STARD9: variants seen among roughly 807,000 people sequenced by gnomAD.
STARD9 encodes the protein StAR related lipid transfer domain containing 9.
STARD9 carries 346 observed loss-of-function variants against 399.8 expected under a neutral mutation model. That is an observed-to-expected ratio of 0.87 (90% confidence interval 0.79 to 0.95). STARD9 has a LOEUF of 0.95. STARD9 is among the 40% of genes least tolerant of loss of function. The pLI, the probability that STARD9 is intolerant of heterozygous loss-of-function variation, is 0.00. For missense variants in STARD9, 5,832 were observed against 5,667.5 expected, an observed-to-expected ratio of 1.03 and a Z score of -0.93; for synonymous variants, 2,203 against 2,143.5, an observed-to-expected ratio of 1.03 and a Z score of -0.77.
intron 9 of STARD9, among the ~76,000 whole-genome samples, chr15:42,656,505 G>A (rs774352411): frequency 1.3e-5 from 2 of 151,998 alleles, no homozygotes; most frequent in Non-Finnish European, 2.9e-5. Context: ...AAAAGAAGTC[G>A]TTATATGAAA....
intron 26 of STARD9, among the ~76,000 whole-genome samples, chr15:42,699,679 C>T (rs2060924344): frequency 6.6e-6 from 1 of 151,800 alleles, no homozygotes; most frequent in Non-Finnish European, 1.5e-5. Flanking sequence ...AGACGTGAGC[C>T]ACCGTGCCTG....
rs998975256 is a variant in STARD9 at position 42,689,138 on chromosome 15, T to G, written c.7560T>G (p.Gly2520=). 6.5e-6 allele frequency: 10 copies of G among 1,537,134 alleles called. No homozygotes were observed. Among genetic ancestry groups the G allele is most frequent in the African/African-American group, 1.4e-5 (1 of 73,042 alleles). ...CTGAGGACGTCGGACTGACCAGCGG[T>G]GTTTCCTTAGCACCTGTTTCCCTGC... The part of the protein sequence containing the change: ...KETEDVGLTS[G]VSLAPVSLPR... The change falls in exon 23 of 33, where the codon GGT becomes GGG. Residue 2520 remains glycine, a synonymous_variant. Coordinates refer to ENST00000290607, the MANE Select transcript of STARD9 (RefSeq NM_020759.3).
intron 3 of STARD9, among the ~76,000 whole-genome samples, chr15:42,589,790 A>G (rs1201933903): frequency 1.3e-5 from 2 of 150,374 alleles, no homozygotes; most frequent in Non-Finnish European, 3.0e-5. Flanking sequence ...TATTTTTAGT[A>G]GAGACGGGGT....
At position 42,585,787 on chromosome 15, in the gene STARD9, A is replaced by G. The variant is rs147747132; in HGVS notation, c.234+150A>G. On this transcript the variant is annotated intron_variant, in intron 3 of 32. Transcript: ENST00000290607. The stretch of plus-strand genomic sequence containing the variant: ...ATTGGTACTTTAAGAAAACTTTGAA[A>G]TAACTAACAGATTTTCAAAAAGAAG... 3.8e-5 allele frequency: 18 copies of G among 474,908 alleles called. No homozygotes were observed. In the East Asian group the frequency reaches 5.1e-4, roughly 14 times the overall value. The allele number at this position is 474,908 out of a possible 1,614,324, so 29.4% of individuals were successfully genotyped here. A position where few individuals can be genotyped will look rare whatever the true frequency, so the allele number is the denominator to read the frequency against.
intron 26 of STARD9, among the ~76,000 whole-genome samples, chr15:42,699,380 C>CTT (rs1223754820): frequency 4.4e-5 from 6 of 137,490 alleles, no homozygotes; most frequent in African/African-American, 1.9e-4. Flanking sequence ...ATGAGATCAA[C>CTT]TTTTTTCTTT....
At chr15:42,696,644 A>G (rs1336086283) in intron 26 of STARD9, among the ~76,000 whole-genome samples, 1 of 152,216 alleles carries the variant, frequency 6.6e-6, no homozygotes, top group Non-Finnish European at 1.5e-5. Flanking sequence ...GACCTCCTAG[A>G]TGACCACGGC....
chr15:42,601,341 G>A (rs890996132), intron 3 of STARD9, among the ~76,000 whole-genome samples: 17 of 151,972 alleles, frequency 1.1e-4, no homozygotes, highest in Admixed American at 9.8e-4. Context: ...CGACAAAACC[G>A]CCATCGTCAT....
At position 42,689,842 on chromosome 15, in the gene STARD9, T is replaced by C. The variant is rs2060648397; in HGVS notation, c.8264T>C (p.Val2755Ala). Residue 2755 changes from valine (V) to alanine (A), a missense_variant, in exon 23 of 33, where the codon GTG (valine) becomes GCG (alanine). By Grantham distance (64) the Val-to-Ala change is moderately conservative (BLOSUM62 0). Coordinates refer to ENST00000290607, the MANE Select transcript of STARD9 (RefSeq NM_020759.3). ...CAGGCCCCTTATGATGATCCTAGAG[T>C]GACTCTGCATGAGCTAAGTCAGTCA... ...PSQAPYDDPR[V>A]TLHELSQSVP... is the part of the protein sequence containing the mutation. 1 of 1,537,178 alleles carries C rather than the reference T, an allele frequency of 6.5e-7. No homozygotes were observed. Among genetic ancestry groups the C allele is most frequent in the Non-Finnish European group, 8.7e-7 (1 of 1,146,894 alleles).
chr15:42,579,626 T>C (rs1324957408), intron 1 of STARD9, among the ~76,000 whole-genome samples: 6 of 151,818 alleles, frequency 4.0e-5, no homozygotes, highest in Non-Finnish European at 8.8e-5. Flanking sequence ...CAGAGTACGA[T>C]AGGAAAGGCA....
chr15:42,577,185 G>C (rs920477989), intron 1 of STARD9, among the ~76,000 whole-genome samples: 1 of 151,006 alleles, frequency 6.6e-6, no homozygotes. Flanking sequence ...ATGGAGTCTC[G>C]CTCTGTCGCC....
Position 42,583,352 on chromosome 15 carries a change from C to T in STARD9, c.54C>T (p.Thr18=), listed in dbSNP as rs2058213025. Residue 18 remains threonine (T), a synonymous_variant, in exon 2 of 33, where the codon ACC becomes ACT. Transcript: ENST00000290607. ...GCTTGGGTCTTGTTTCTAGGGAGAC[C>T]AAAGAAGGGGGAAGAATTATTGTGG... is the stretch of plus-strand genomic sequence containing the variant. The part of the protein sequence containing the change: ...VRVRPLSKRE[T]KEGGRIIVEV... 6.5e-7 allele frequency: 1 copy of T among 1,536,116 alleles called. No individual in the cohort carries two copies. The highest frequency in any genetic ancestry group is 1.4e-5 in the African/African-American group (1 of 72,880).
rs1393599317 is a variant in STARD9, at chr15:42,634,912, A to G, written c.291A>G (p.Ile97Met). ...CTGGAGTTGCCAAAGGCTATAACAT[A>G]TGCCTTTTTGCTTATGGACAGACAG... The part of the protein sequence containing the change: ...VLSGVAKGYN[I>M]CLFAYGQTGS... Residue 97 changes from isoleucine (I) to methionine (M), a missense_variant, in exon 4 of 33, where the codon ATA becomes ATG. Physicochemically the swap from Ile to Met is conservative, Grantham distance 10. This residue lies in a region of STARD9 where 5,828 missense variants were observed against 5,651.1 expected (regional missense o/e 1.03). Coordinates refer to ENST00000290607, the MANE Select transcript of STARD9 (RefSeq NM_020759.3). 6.5e-7 allele frequency: 1 copy of G among 1,537,156 alleles called. No individual in the cohort carries two copies. Among genetic ancestry groups the G allele is most frequent in the East Asian group, 2.4e-5 (1 of 40,894 alleles).
chr15:42,718,920 C>G lies in STARD9; in HGVS notation c.14001+10C>G, dbSNP rs761961940. 1 of 1,536,770 alleles carries G rather than the reference C, an allele frequency of 6.5e-7. No homozygotes were observed. Among genetic ancestry groups the G allele is most frequent in the South Asian group, 1.2e-5 (1 of 84,044 alleles). On this transcript the variant is annotated intron_variant, in intron 32 of 32. Coordinates refer to ENST00000290607, the MANE Select transcript of STARD9 (RefSeq NM_020759.3). ...CATCTACTTGGCCCAGGTGATAAAT[C>G]CTTTGCAGCTGGCCTCACAGCACAG... is the stretch of plus-strand genomic sequence containing the variant.
At chr15:42,658,326 C>T (rs943592293) in intron 9 of STARD9, among the ~76,000 whole-genome samples, 4 of 141,704 alleles carry the variant, frequency 2.8e-5, no homozygotes, top group African/African-American at 1.1e-4. Flanking sequence ...TGTACACTTA[C>T]AGTGTACAAA....
At chr15:42,622,619 C>T (rs921445110) in intron 3 of STARD9, among the ~76,000 whole-genome samples, 2 of 152,172 alleles carry the variant, frequency 1.3e-5, no homozygotes, top group African/African-American at 4.8e-5. Flanking sequence ...GTTTGACTGT[C>T]TCTGTGGTTA....
At chr15:42,616,155 T>C (rs1313929799) in intron 3 of STARD9, among the ~76,000 whole-genome samples, 32 of 152,208 alleles carry the variant, frequency 2.1e-4, no homozygotes, top group Non-Finnish European at 5.9e-5. Context: ...GTGAAACTTG[T>C]GCAAATGAAA....
At position 42,659,682 on chromosome 15, in the gene STARD9, C is replaced by T. The variant is rs545722784; in HGVS notation, c.703-1476C>T. ...CTGGGACTACAGGTGCCCGCCACCA[C>T]GCTTGGCTAATTTTTGTATTTTTAG... On this transcript the variant is annotated intron_variant, in intron 9 of 32. Coordinates refer to ENST00000290607, the MANE Select transcript of STARD9 (RefSeq NM_020759.3). Among the ~76,000 whole-genome samples, 10 of 152,246 alleles carry T rather than the reference C, an allele frequency of 6.6e-5. No homozygotes were observed. The South Asian group carries it at 1.2e-3, about 19-fold the overall frequency.
intron 8 of STARD9, among the ~76,000 whole-genome samples, chr15:42,651,483 T>C (rs1311559520): frequency 2.6e-5 from 4 of 152,176 alleles, no homozygotes; most frequent in South Asian, 2.1e-4. Flanking sequence ...TGCATACTTA[T>C]AAGGTAGCCC....
At chr15:42,652,699 A>C in intron 9 of STARD9, 107 bp downstream of exon 9, 6 of 1,038,350 alleles carry the variant, frequency 5.8e-6, no homozygotes, top group Non-Finnish European at 8.6e-6. Flanking sequence ...TTTTTGAGAC[A>C]GGGTCTCAGT....
Sources: allele counts gnomAD v4.1 joint callset (sites outside exome capture counted in the v4.1 genomes callset), GRCh38; gene constraint gnomAD v4.1.1; regional missense constraint gnomAD v4.1.1; transcripts MANE v1.5; gene names NCBI Gene and HGNC (gene_info 2026-07-23, HGNC 2026-07-21).